Variants in PDE1C observed in about 807,000 individuals in gnomAD.
The protein encoded by PDE1C is phosphodiesterase 1C.
Under a neutral mutation model 93.1 loss-of-function variants are expected in PDE1C, and 62 were observed. That is an observed-to-expected ratio of 0.67 (90% CI 0.54 to 0.82). The LOEUF (loss-of-function observed/expected upper bound fraction) is 0.82, where lower values mean the gene tolerates loss of function less well. Ranked by LOEUF, PDE1C falls within the 40% of genes least tolerant of loss-of-function variation. The pLI, the probability that PDE1C is intolerant of heterozygous loss-of-function variation, is 0.00. For synonymous variants in PDE1C, 325 were observed against 310.1 expected, an observed-to-expected ratio of 1.05 and a Z score of -0.50; for missense variants, 742 against 884.6, an observed-to-expected ratio of 0.84 and a Z score of 2.04.
At chr7:32,269,359 T>C (rs1219454397) in intron 1 of PDE1C, among the ~76,000 whole-genome samples, 1 of 152,190 alleles carries the variant, frequency 6.6e-6, no homozygotes, top group African/African-American at 2.4e-5. Context: ...AGTAATAAGT[T>C]TATACTGGAA....
At chr7:32,153,988 T>G (rs569368260) in intron 3 of PDE1C, among the ~76,000 whole-genome samples, 5 of 152,230 alleles carry the variant, frequency 3.3e-5, no homozygotes, top group Non-Finnish European at 2.9e-5. Flanking sequence ...GCGCAATGGC[T>G]TATGCCCTTC....
At chr7:31,776,479 G>A (rs1782974085) in intron 16 of PDE1C, among the ~76,000 whole-genome samples, 1 of 152,120 alleles carries the variant, frequency 6.6e-6, no homozygotes, top group Non-Finnish European at 1.5e-5. Context: ...ACGAGGCAAT[G>A]AAAAGTCAAA....
intron 2 of PDE1C, among the ~76,000 whole-genome samples, chr7:31,994,524 T>C (rs1784497095): frequency 6.6e-6 from 1 of 152,174 alleles, no homozygotes; most frequent in Non-Finnish European, 1.5e-5. Flanking sequence ...CACCCCAAGA[T>C]TGCCAAATTT....
chr7:31,620,667 G>C, the PDE1C span, among the ~76,000 whole-genome samples: 2 of 150,510 alleles, frequency 1.3e-5, no homozygotes, highest in South Asian at 2.1e-4. Flanking sequence ...GGAAAAAACA[G>C]AACAGAAAAA....
chr7:32,189,042 C>T (rs1163079724), intron 2 of PDE1C, among the ~76,000 whole-genome samples: 1 of 152,182 alleles, frequency 6.6e-6, no homozygotes, highest in Non-Finnish European at 1.5e-5. Context: ...TTACATCTGT[C>T]CTTATCCAAC....
At chr7:31,643,140 A>G in the PDE1C span, 4 of 1,613,964 alleles carry the variant, frequency 2.5e-6, no homozygotes, top group African/African-American at 5.3e-5. Flanking sequence ...GCAAAGTGCA[A>G]AGCCACCACA....
chr7:31,901,403 T>C (rs1799965611), intron 2 of PDE1C, among the ~76,000 whole-genome samples: 1 of 151,374 alleles, frequency 6.6e-6, no homozygotes, highest in Non-Finnish European at 1.5e-5. Flanking sequence ...AGCCAAAGTA[T>C]ATATCTAGGA....
chr7:32,207,706 C>T (rs4720055), intron 2 of PDE1C, among the ~76,000 whole-genome samples: 11,604 of 152,242 alleles, frequency 0.076, 733 homozygotes, highest in Admixed American at 0.21. Flanking sequence ...CATGTCCTCA[C>T]CTGTCTCAAG....
At chr7:31,991,208 T>C (rs1416605476) in intron 2 of PDE1C, among the ~76,000 whole-genome samples, 1 of 152,222 alleles carries the variant, frequency 6.6e-6, no homozygotes, top group East Asian at 1.9e-4. Context: ...TGAGAGTTAA[T>C]AGTGCCTACA....
chr7:32,229,854 A>C (rs1489556528), intron 1 of PDE1C, among the ~76,000 whole-genome samples: 1 of 152,230 alleles, frequency 6.6e-6, no homozygotes, highest in Non-Finnish European at 1.5e-5. Flanking sequence ...GCTAACAAGA[A>C]TCTAACAAGA....
At chr7:31,829,976 C>T (rs1321398918) in intron 11 of PDE1C, among the ~76,000 whole-genome samples, 1 of 152,020 alleles carries the variant, frequency 6.6e-6, no homozygotes, top group African/African-American at 2.4e-5. Context: ...AGGGTGTGAA[C>T]ACTCTCCATG....
chr7:31,828,205 C>T (rs1328317240), intron 12 of PDE1C, 87 bp downstream of exon 12: 2 of 1,060,766 alleles, frequency 1.9e-6, no homozygotes, highest in African/African-American at 1.6e-5. Context: ...GCCAGTTTCC[C>T]AGCCAAAGAA....
upstream of PDE1C, chr7:32,428,208 T>A (rs1021538352): frequency 6.6e-6 from 1 of 152,380 alleles, no homozygotes; most frequent in Non-Finnish European, 1.5e-5. Context: ...GCCGAAGGCT[T>A]ACTCCCTCCT....
At chr7:31,895,744 G>A (rs867834784) in intron 2 of PDE1C, among the ~76,000 whole-genome samples, 2 of 152,128 alleles carry the variant, frequency 1.3e-5, no homozygotes, top group Middle Eastern at 3.4e-3. Context: ...TTCCCGTGCT[G>A]TTCTCGTGAC....
intron 2 of PDE1C, among the ~76,000 whole-genome samples, chr7:31,908,160 A>T (rs1235592417): frequency 2.0e-5 from 3 of 147,498 alleles, no homozygotes; most frequent in African/African-American, 7.5e-5. Flanking sequence ...GTCATCAGTA[A>T]TGACTGAAAG....
intron 2 of PDE1C, among the ~76,000 whole-genome samples, chr7:32,207,987 T>C (rs927698323): frequency 2.0e-5 from 3 of 152,090 alleles, no homozygotes; most frequent in Admixed American, 1.3e-4. Context: ...AAGAAAAAAA[T>C]GGGATAAAAG....
At chr7:31,720,169 C>CAAAAAAAA in the PDE1C span, among the ~76,000 whole-genome samples, 8 of 50,116 alleles carry the variant, frequency 1.6e-4, no homozygotes, top group East Asian at 1.5e-3. Flanking sequence ...GACTCCGTCT[C>CAAAAAAAA]AAAAAAAAAA....
chr7:31,652,688 G>A, the PDE1C span: 8 of 1,613,780 alleles, frequency 5.0e-6, no homozygotes, highest in African/African-American at 9.3e-5. Context: ...GTTCAGGTGG[G>A]ACCCAGTTGG....
chr7:32,076,516 G>A (rs992273486), intron 3 of PDE1C, among the ~76,000 whole-genome samples: 4 of 151,828 alleles, frequency 2.6e-5, no homozygotes, highest in Admixed American at 2.6e-4. Context: ...GGTGGCACAC[G>A]CCTGTAATCC....
Sources: gnomAD v4.1 joint callset for allele counts (sites outside exome capture counted in the v4.1 genomes callset) on GRCh38, gnomAD v4.1.1 for gene constraint, MANE v1.5 for transcripts, NCBI Gene and HGNC (gene_info 2026-07-23, HGNC 2026-07-21) for gene names.